SEMA3C: variants seen among roughly 807,000 people sequenced by gnomAD.
The protein encoded by SEMA3C is semaphorin 3C.
SEMA3C carries 47 observed loss-of-function variants against 89.4 expected under a neutral mutation model. That is an observed-to-expected ratio of 0.53 (90% confidence interval 0.42 to 0.67). The LOEUF (loss-of-function observed/expected upper bound fraction) is 0.67, where lower values mean the gene tolerates loss of function less well. Among genes scored for constraint, SEMA3C ranks in the 30% least tolerant of loss-of-function variants. The pLI is 0.00. For synonymous variants in SEMA3C, 310 were observed against 320.2 expected (o/e 0.97, Z 0.34); for missense variants, 839 against 929.1 (o/e 0.90, Z 1.26).
At chr7:80,755,939 T>TA (rs1406924053) in intron 15 of SEMA3C, among the ~76,000 whole-genome samples, 2 of 152,090 alleles carry the variant, frequency 1.3e-5, no homozygotes, top group East Asian at 3.9e-4. Flanking sequence ...ACCTCCTCAC[T>TA]AGCGCCCAAA....
chr7:80,914,980 C>T (rs1228250249), intron 2 of SEMA3C, among the ~76,000 whole-genome samples: 1 of 152,050 alleles, frequency 6.6e-6, no homozygotes, highest in African/African-American at 2.4e-5. Context: ...TTCATTATCT[C>T]TAGTAACACA....
At chr7:80,746,415 A>G (rs1415461780) in intron 17 of SEMA3C, among the ~76,000 whole-genome samples, 2 of 139,954 alleles carry the variant, frequency 1.4e-5, no homozygotes, top group African/African-American at 5.1e-5. Context: ...CAAATTGTGT[A>G]TAAACACATT....
At position 80,808,379 on chromosome 7, in the gene SEMA3C, GA is replaced by G. The variant is rs568999808; in HGVS notation, c.538+2231del. Reference sequence around the variant, plus strand: ...TGAATAAAGTTTCCTTCCTAATGGAGAAAAGAATTTCCAAAACACTGCTTCT... The same window carrying G: ...TGAATAAAGTTTCCTTCCTAATGGAGAAAGAATTTCCAAAACACTGCTTCT... On this transcript the variant is annotated intron_variant, in intron 6 of 17. Transcript: ENST00000265361. 1.6e-4 allele frequency among the ~76,000 whole-genome samples: 24 copies of G among 152,232 alleles called. No individual in the cohort carries two copies. The East Asian group carries it at 4.3e-3, about 27-fold the overall frequency.
At chr7:80,746,127 ACT>A (rs1440797028) in intron 17 of SEMA3C, among the ~76,000 whole-genome samples, 5 of 152,070 alleles carry the variant, frequency 3.3e-5, no homozygotes, top group African/African-American at 1.2e-4. Flanking sequence ...ACTCTAGAAT[ACT>A]CTTTCATTGA....
intron 2 of SEMA3C, among the ~76,000 whole-genome samples, chr7:80,877,173 T>C (rs1045100945): frequency 6.6e-6 from 1 of 152,228 alleles, no homozygotes; most frequent in Admixed American, 6.5e-5. Flanking sequence ...GAAAAGATCA[T>C]AGCAAGACTA....
chr7:80,883,304 T>TA (rs768013493), intron 2 of SEMA3C, among the ~76,000 whole-genome samples: 26 of 152,150 alleles, frequency 1.7e-4, no homozygotes. Flanking sequence ...ACATGGAATT[T>TA]AGATTCTGTT....
chr7:80,854,567 T>C (rs1187956225), intron 2 of SEMA3C, among the ~76,000 whole-genome samples: 1 of 152,186 alleles, frequency 6.6e-6, no homozygotes, highest in Non-Finnish European at 1.5e-5. Context: ...GAGGTAATTA[T>C]TGTGAGAGTC....
At chr7:80,918,395 T>A (rs1488611718) in intron 1 of SEMA3C, 1 of 152,178 alleles carries the variant, frequency 6.6e-6, no homozygotes, top group Non-Finnish European at 1.5e-5. Context: ...ACAGGGCAAT[T>A]TGATTTACAT....
At chr7:80,897,928 G>A (rs1455153524) in intron 2 of SEMA3C, among the ~76,000 whole-genome samples, 2 of 152,040 alleles carry the variant, frequency 1.3e-5, no homozygotes, top group Non-Finnish European at 2.9e-5. Flanking sequence ...TAAAAATATA[G>A]GGTTGTTTTC....
intron 12 of SEMA3C, among the ~76,000 whole-genome samples, chr7:80,767,180 T>C (rs1788324663): frequency 6.6e-6 from 1 of 152,226 alleles, no homozygotes; most frequent in Non-Finnish European, 1.5e-5. Context: ...GGCCCCTTGG[T>C]CAAGTTCCTT....
chr7:80,768,280 G>T (rs1009935953), intron 12 of SEMA3C, among the ~76,000 whole-genome samples: 1 of 152,122 alleles, frequency 6.6e-6, no homozygotes, highest in Non-Finnish European at 1.5e-5. Flanking sequence ...TTGGGAGGCC[G>T]AGGTGGGCGG....
chr7:80,852,723 G>GGC, intron 2 of SEMA3C, among the ~76,000 whole-genome samples: 1 of 147,058 alleles, frequency 6.8e-6, no homozygotes, highest in East Asian at 2.0e-4. Context: ...CTGTTGCCCA[G>GGC]GCTAGAGTGC....
At chr7:80,915,163 C>T (rs565974181) in intron 2 of SEMA3C, among the ~76,000 whole-genome samples, 16 of 152,168 alleles carry the variant, frequency 1.1e-4, no homozygotes, top group South Asian at 8.3e-4. Context: ...TATTTGAAAA[C>T]GTATTTCATA....
At chr7:80,786,680 G>A (rs997448788) in intron 12 of SEMA3C, among the ~76,000 whole-genome samples, 8 of 152,190 alleles carry the variant, frequency 5.3e-5, no homozygotes, top group African/African-American at 1.2e-4. Context: ...ATGAAGATTA[G>A]CTTTTACAGT....
intron 6 of SEMA3C, among the ~76,000 whole-genome samples, chr7:80,810,189 T>C (rs1016531011): frequency 1.3e-5 from 2 of 152,042 alleles, no homozygotes; most frequent in African/African-American, 4.8e-5. Flanking sequence ...AAACACCACA[T>C]TGTATCCTAT....
chr7:80,817,225 AG>A (rs1262390749), intron 5 of SEMA3C, among the ~76,000 whole-genome samples: 1 of 152,204 alleles, frequency 6.6e-6, no homozygotes, highest in Non-Finnish European at 1.5e-5. Flanking sequence ...ATTCATTAAA[AG>A]ATACTTATGT....
At chr7:80,760,125 G>T (rs1377814644) in intron 14 of SEMA3C, among the ~76,000 whole-genome samples, 2 of 152,012 alleles carry the variant, frequency 1.3e-5, no homozygotes, top group African/African-American at 4.8e-5. Context: ...TAGTCCTCTC[G>T]CACTGAAAAA....
chr7:80,852,161 C>G (rs1041670046), intron 2 of SEMA3C, among the ~76,000 whole-genome samples: 1 of 152,122 alleles, frequency 6.6e-6, no homozygotes, highest in Admixed American at 6.6e-5. Context: ...TGGAAGCAGA[C>G]GAACCCCTTT....
intron 2 of SEMA3C, among the ~76,000 whole-genome samples, chr7:80,837,378 G>A (rs182762288): frequency 3.3e-5 from 5 of 152,242 alleles, no homozygotes; most frequent in South Asian, 2.1e-4. Flanking sequence ...TTCCTAAGTC[G>A]ATATACTAGA....
Sources: allele counts gnomAD v4.1 joint callset (sites outside exome capture counted in the v4.1 genomes callset), GRCh38; gene constraint gnomAD v4.1.1; transcripts MANE v1.5; gene names NCBI Gene and HGNC (gene_info 2026-07-23, HGNC 2026-07-21).